Variants in TMEM192 observed in about 807,000 individuals in gnomAD.
TMEM192 encodes the protein transmembrane protein 192.
A neutral mutation model predicts 26.7 loss-of-function variants in TMEM192; 20 were observed. That is an observed-to-expected ratio of 0.75 (90% CI 0.53 to 1.09). The LOEUF is 1.09. Among genes scored for constraint, TMEM192 ranks in the 50% least tolerant of loss-of-function variants. The pLI is 0.00. For synonymous variants in TMEM192, 124 were observed against 121.0 expected, an observed-to-expected ratio of 1.02 and a Z score of -0.16; for missense variants, 304 against 322.6, an observed-to-expected ratio of 0.94 and a Z score of 0.44.
intron 5 of TMEM192, among the ~76,000 whole-genome samples, chr4:165,084,433 A>C (rs1734562675): frequency 6.6e-6 from 1 of 151,580 alleles, no homozygotes; most frequent in Non-Finnish European, 1.5e-5. Context: ...TCCTGACCTC[A>C]GGTGATCTAC....
chr4:165,096,855 C>T, intron 3 of TMEM192, among the ~76,000 whole-genome samples: 1 of 152,140 alleles, frequency 6.6e-6, no homozygotes, highest in Admixed American at 6.6e-5. Flanking sequence ...AAATAATCTC[C>T]TTGTGAGCTT....
intron 1 of TMEM192, among the ~76,000 whole-genome samples, chr4:165,110,595 T>C (rs1735271789): frequency 2.0e-5 from 3 of 152,044 alleles, no homozygotes; most frequent in African/African-American, 7.2e-5. Context: ...ATCCCAGCTA[T>C]TTGGGAGGCT....
At chr4:165,105,506 CTAA>C in intron 1 of TMEM192, among the ~76,000 whole-genome samples, 1 of 152,274 alleles carries the variant, frequency 6.6e-6, no homozygotes, top group East Asian at 1.9e-4. Flanking sequence ...AAAAAGGAGA[CTAA>C]TAATAGCACC....
intron 1 of TMEM192, chr4:165,111,672 T>G (rs186043282): frequency 2.1e-3 from 315 of 152,330 alleles, no homozygotes; most frequent in African/African-American, 6.1e-3. Flanking sequence ...AATTTTCCAT[T>G]TTCTCAACTG....
intron 3 of TMEM192, among the ~76,000 whole-genome samples, chr4:165,095,380 C>A (rs1734869616): frequency 6.6e-6 from 1 of 152,148 alleles, no homozygotes; most frequent in Non-Finnish European, 1.5e-5. Flanking sequence ...AGGAGAGACC[C>A]AGCTGCTCTG....
chr4:165,086,459 G>A (rs550336405), intron 4 of TMEM192, among the ~76,000 whole-genome samples: 2 of 139,910 alleles, frequency 1.4e-5, no homozygotes, highest in Non-Finnish European at 3.0e-5. Context: ...TTGCTCTGTC[G>A]CTCAGGCTGG....
chr4:165,094,967 TCA>T (rs947834674), intron 3 of TMEM192, among the ~76,000 whole-genome samples: 5 of 131,832 alleles, frequency 3.8e-5, no homozygotes, highest in Non-Finnish European at 6.8e-5. Flanking sequence ...AGAGTGAAAC[TCA>T]GTCTCAAAAA....
rs1159750558 is a variant in TMEM192, at chr4:165,077,149, G to A, written c.*2509C>T. On this transcript the variant is annotated 3_prime_UTR_variant, in exon 6 of 6. Coordinates refer to ENST00000306480, the MANE Select transcript of TMEM192 (RefSeq NM_001100389.2). ...TTCATTTTCATTTATTGTTTGAAATGTTCATCATTGCATTCAGAAAAATGT... is the reference window on the plus strand; with the variant it reads ...TTCATTTTCATTTATTGTTTGAAATATTCATCATTGCATTCAGAAAAATGT... The A allele has an allele frequency of 6.6e-6, 1 of 152,148 alleles. No individual in the cohort carries two copies. Among genetic ancestry groups the A allele is most frequent in the East Asian group, 1.9e-4 (1 of 5,196 alleles). 9.4% of individuals were successfully genotyped at this position (152,148 alleles called of 1,614,324 possible).
chr4:165,093,974 A>C (rs1310753766), intron 3 of TMEM192, among the ~76,000 whole-genome samples: 2 of 152,096 alleles, frequency 1.3e-5, no homozygotes, highest in African/African-American at 4.8e-5. Context: ...ATCTTGGCTG[A>C]CTGTAACCTC....
chr4:165,092,741 T>G (rs2110764181), intron 3 of TMEM192, among the ~76,000 whole-genome samples: 1 of 152,094 alleles, frequency 6.6e-6, no homozygotes, highest in East Asian at 1.9e-4. Flanking sequence ...AAGAAATGAT[T>G]GTGAGCCAAA....
intron 4 of TMEM192, among the ~76,000 whole-genome samples, chr4:165,086,044 C>T (rs1734607989): frequency 6.6e-6 from 1 of 152,150 alleles, no homozygotes; most frequent in South Asian, 2.1e-4. Context: ...ATCATGACTT[C>T]CTCTGGTCCA....
intron 3 of TMEM192, among the ~76,000 whole-genome samples, chr4:165,097,295 C>T (rs11933832): frequency 0.33 from 50,387 of 151,804 alleles, 10,332 homozygotes; most frequent in African/African-American, 0.59. Flanking sequence ...GAGATCGAGA[C>T]CATCCTGGCT....
rs1320412054 is a variant in TMEM192 at position 165,070,909 on chromosome 4, A to G, written c.*8749T>C. 1.3e-5 allele frequency: 2 copies of G among 152,230 alleles called. No individual in the cohort carries two copies. Among genetic ancestry groups the G allele is most frequent in the Non-Finnish European group, 2.9e-5 (2 of 68,044 alleles). The allele number at this position is 152,230 out of a possible 1,614,324, so 9.4% of individuals were successfully genotyped here. A position where few individuals can be genotyped will look rare whatever the true frequency, so the allele number is the denominator to read the frequency against. Reference sequence around the variant, plus strand: ...TCTATGTATGAAGGACACAGTAGTAAGCAAAAGATAGAGCTTACATTCTAT... The same window carrying G: ...TCTATGTATGAAGGACACAGTAGTAGGCAAAAGATAGAGCTTACATTCTAT... On this transcript the variant is annotated 3_prime_UTR_variant, in exon 6 of 6. Coordinates refer to ENST00000306480, the MANE Select transcript of TMEM192 (RefSeq NM_001100389.2).
intron 1 of TMEM192, among the ~76,000 whole-genome samples, chr4:165,111,170 G>C: frequency 6.6e-6 from 1 of 152,248 alleles, no homozygotes; most frequent in East Asian, 1.9e-4. Flanking sequence ...TGCGATCTTG[G>C]CTCACTGCAA....
In TMEM192 at chr4:165,079,730, G is replaced by C. The variant is rs758592980; in HGVS notation, c.744C>G (p.His248Gln). ...ACAATCGCTTACTCAGCAGCGCATT[G>C]TGTCGCTTCAGGTATTCAATGGTGT... ...QGDTIEYLKR[H>Q]NALLSKRLLA... The change falls in exon 6 of 6, where the codon CAC (histidine) becomes CAG (glutamine). Residue 248 changes from histidine (H) to glutamine (Q), a missense_variant. Transcript: ENST00000306480. 81 of 1,613,938 alleles carry C rather than the reference G, an allele frequency of 5.0e-5. No individual in the cohort carries two copies. The highest frequency in any genetic ancestry group is 6.6e-5 in the Non-Finnish European group (78 of 1,179,978).
At chr4:165,101,024 T>G (rs1735028409) in intron 2 of TMEM192, 132 bp from the exon 3 acceptor site, 1 of 959,486 alleles carries the variant, frequency 1.0e-6, no homozygotes, top group South Asian at 1.8e-5. Context: ...TCGCCCAGGC[T>G]GGAGTGCAGT....
chr4:165,090,211 T>TG (rs145468710), intron 3 of TMEM192, among the ~76,000 whole-genome samples: 1,290 of 77,248 alleles, frequency 0.017, 199 homozygotes, highest in Middle Eastern at 0.042. Flanking sequence ...AACTCCGTCT[T>TG]GGAAAAAAAA....
intron 3 of TMEM192, among the ~76,000 whole-genome samples, chr4:165,095,041 T>A (rs1734862726): frequency 6.6e-6 from 1 of 151,952 alleles, no homozygotes; most frequent in African/African-American, 2.4e-5. Flanking sequence ...AGAAATAAGT[T>A]CCTGTGGGCT....
At chr4:165,101,468 G>A (rs1735037496) in intron 2 of TMEM192, among the ~76,000 whole-genome samples, 1 of 152,118 alleles carries the variant, frequency 6.6e-6, no homozygotes. Flanking sequence ...CTGGGCTCAA[G>A]CGATCCTCCT....
Sources: gnomAD v4.1 joint callset for allele counts (sites outside exome capture counted in the v4.1 genomes callset) on GRCh38, gnomAD v4.1.1 for gene constraint, MANE v1.5 for transcripts, NCBI Gene and HGNC (gene_info 2026-07-23, HGNC 2026-07-21) for gene names.